CCSER1: variants seen among roughly 807,000 people sequenced by gnomAD.
The protein encoded by CCSER1 is serine-rich coiled-coil domain-containing protein 1.
A neutral mutation model predicts 82.0 loss-of-function variants in CCSER1; 41 were observed. The ratio of observed to expected loss-of-function variants is 0.50; its 90% confidence interval spans 0.39 to 0.65. The LOEUF (loss-of-function observed/expected upper bound fraction) is 0.65, where lower values mean the gene tolerates loss of function less well. Among genes scored for constraint, CCSER1 ranks in the 30% least tolerant of loss-of-function variants. CCSER1 has a pLI of 0.00. For missense variants in CCSER1, 1,119 were observed against 1,064.2 expected, an observed-to-expected ratio of 1.05 and a Z score of -0.72; for synonymous variants, 414 against 383.9, an observed-to-expected ratio of 1.08 and a Z score of -0.92.
chr4:90,829,529 A>C lies in CCSER1; in HGVS notation c.2094+13684A>C, dbSNP rs377588638. Among the ~76,000 whole-genome samples, 6 of 152,346 alleles carry C rather than the reference A, an allele frequency of 3.9e-5. No homozygotes were observed. In the South Asian group the frequency reaches 1.2e-3, roughly 32 times the overall value. On this transcript the variant is annotated intron_variant, in intron 8 of 10. Transcript: ENST00000509176. ...GAGATCCAAGTTACCATGAGTTAAC[A>C]GCAGCCTGTCTGTATGGGTCCATAG... is the stretch of plus-strand genomic sequence containing the variant.
intron 8 of CCSER1, among the ~76,000 whole-genome samples, chr4:90,869,747 A>T (rs1315300415): frequency 6.6e-6 from 1 of 151,284 alleles, no homozygotes; most frequent in Admixed American, 6.6e-5. Context: ...GTGGAAGGTC[A>T]TCGGTATTTT....
At chr4:91,185,643 A>G (rs1407292366) in intron 10 of CCSER1, among the ~76,000 whole-genome samples, 1 of 152,228 alleles carries the variant, frequency 6.6e-6, no homozygotes, top group Non-Finnish European at 1.5e-5. Context: ...TCCCAAAATC[A>G]GGTTCCCTTC....
intron 8 of CCSER1, among the ~76,000 whole-genome samples, chr4:90,896,870 G>A (rs1470912893): frequency 6.6e-6 from 1 of 151,832 alleles, no homozygotes; most frequent in African/African-American, 2.4e-5. Context: ...TGCAAAAAAT[G>A]TTTAATGTGG....
chr4:90,961,737 A>G (rs1482854045), intron 9 of CCSER1, among the ~76,000 whole-genome samples: 1 of 152,054 alleles, frequency 6.6e-6, no homozygotes, highest in African/African-American at 2.4e-5. Flanking sequence ...ACTATTCAGC[A>G]TGGTAGAAAA....
intron 10 of CCSER1, chr4:91,325,047 G>A (rs1416323651): frequency 1.5e-5 from 6 of 388,666 alleles, no homozygotes; most frequent in East Asian, 7.3e-5. Flanking sequence ...AAAGGCCATC[G>A]GACCTGTGGG....
intron 10 of CCSER1, among the ~76,000 whole-genome samples, chr4:91,463,305 T>C (rs1756627416): frequency 6.6e-6 from 1 of 152,118 alleles, no homozygotes; most frequent in South Asian, 2.1e-4. Context: ...TGCTGACTGT[T>C]AGAAGGAAAA....
intron 10 of CCSER1, among the ~76,000 whole-genome samples, chr4:91,168,724 G>A (rs1349829506): frequency 2.0e-5 from 3 of 152,080 alleles, no homozygotes; most frequent in Non-Finnish European, 4.4e-5. Context: ...ATCGAGAATG[G>A]GCCATGATGA....
chr4:91,460,141 T>C (rs1756424116), intron 10 of CCSER1, among the ~76,000 whole-genome samples: 1 of 152,186 alleles, frequency 6.6e-6, no homozygotes, highest in Admixed American at 6.5e-5. Flanking sequence ...GAGTTGAAAG[T>C]AAAATCAGTA....
intron 10 of CCSER1, among the ~76,000 whole-genome samples, chr4:91,388,095 G>C (rs577471299): frequency 6.6e-6 from 1 of 151,916 alleles, no homozygotes; most frequent in Admixed American, 6.6e-5. Context: ...GGCAAAAGCT[G>C]GTCTTGAATT....
intron 10 of CCSER1, among the ~76,000 whole-genome samples, chr4:91,596,750 G>A (rs917147479): frequency 6.6e-6 from 1 of 152,018 alleles, no homozygotes; most frequent in Non-Finnish European, 1.5e-5. Context: ...ACCTACCTAT[G>A]TCTACTCCAA....
intron 5 of CCSER1, among the ~76,000 whole-genome samples, chr4:90,528,205 A>T (rs1022801945): frequency 9.2e-5 from 14 of 152,220 alleles, no homozygotes; most frequent in African/African-American, 3.4e-4. Context: ...ATGGAAATGC[A>T]GAAGAAAAAA....
intron 10 of CCSER1, among the ~76,000 whole-genome samples, chr4:91,401,031 T>G (rs1024203854): frequency 3.2e-4 from 48 of 151,938 alleles, no homozygotes; most frequent in African/African-American, 1.1e-3. Flanking sequence ...TTCAATCATC[T>G]GTTTTTCTTC....
intron 10 of CCSER1, among the ~76,000 whole-genome samples, chr4:91,285,284 A>G (rs1290172767): frequency 6.6e-6 from 1 of 151,142 alleles, no homozygotes; most frequent in Non-Finnish European, 1.5e-5. Context: ...CTCTTTTTAA[A>G]GAAAAAAGTC....
chr4:91,246,087 T>C (rs28791801), intron 10 of CCSER1, among the ~76,000 whole-genome samples: 38,917 of 152,124 alleles, frequency 0.26, 5,117 homozygotes, highest in South Asian at 0.39. Flanking sequence ...GGACCAGTGG[T>C]GTGTAGGCTA....
rs571100075 is a variant in CCSER1 at position 90,469,208 on chromosome 4, T to C, written c.1724+854T>C. Among the ~76,000 whole-genome samples the C allele has an allele frequency of 1.9e-4, 29 of 152,228 alleles. No individual in the cohort carries two copies. The East Asian group carries it at 3.3e-3, about 17-fold the overall frequency. ...CACTGTGTTATAGTTATTTGCTTCT[T>C]GTATGTCTTTTTACTAGATAATAAG... On this transcript the variant is annotated intron_variant, in intron 5 of 10. Transcript: ENST00000509176.
At chr4:90,644,713 G>A (rs1311192982) in intron 6 of CCSER1, among the ~76,000 whole-genome samples, 1 of 151,842 alleles carries the variant, frequency 6.6e-6, no homozygotes, top group Admixed American at 6.6e-5. Context: ...GCGAGAAGAC[G>A]TAGTGTTTGA....
At chr4:91,352,310 G>A (rs193095529) in intron 10 of CCSER1, among the ~76,000 whole-genome samples, 4 of 152,192 alleles carry the variant, frequency 2.6e-5, no homozygotes, top group Admixed American at 6.5e-5. Context: ...GCAGTGGCGC[G>A]ATCTCCGCTC....
At position 90,952,837 on chromosome 4, in the gene CCSER1, C is replaced by T. The variant is rs189570453; in HGVS notation, c.2172+29390C>T. ...TTTTTCCAGGTGCTTCTGCCCACTC[C>T]CACTAGGCTCCAGAAGATTCTATTT... On this transcript the variant is annotated intron_variant, in intron 9 of 10. Coordinates refer to ENST00000509176, the MANE Select transcript of CCSER1 (RefSeq NM_001145065.2). 3.1e-3 allele frequency among the ~76,000 whole-genome samples: 474 copies of T among 152,078 alleles called. 3 individuals carry two copies. The highest frequency in any genetic ancestry group is 5.0e-3 in the Non-Finnish European group (337 of 67,946).
At chr4:91,363,689 A>T (rs1340803342) in intron 10 of CCSER1, among the ~76,000 whole-genome samples, 2 of 151,804 alleles carry the variant, frequency 1.3e-5, no homozygotes, top group East Asian at 3.8e-4. Context: ...AGATATTTGC[A>T]TCATTTTCTT....
Sources: gnomAD v4.1 joint callset for allele counts (sites outside exome capture counted in the v4.1 genomes callset) on GRCh38, gnomAD v4.1.1 for gene constraint, MANE v1.5 for transcripts, NCBI Gene and HGNC (gene_info 2026-07-23, HGNC 2026-07-21) for gene names.